The following ARID4B variants were observed in gnomAD, a reference collection of about 807,000 sequenced individuals.
ARID4B encodes AT-rich interactive domain-containing protein 4B.
In ARID4B, 26 loss-of-function variants were observed where a neutral mutation model predicts 147.5. The ratio of observed to expected loss-of-function variants is 0.18; its 90% CI spans 0.13 to 0.24. The LOEUF is 0.24. Among genes scored for constraint, ARID4B ranks in the 10% least tolerant of loss-of-function variants. The pLI is 1.00. For missense variants in ARID4B, 1,179 were observed against 1,511.5 expected (o/e 0.78, Z 3.65); for synonymous variants, 512 against 507.9 (o/e 1.01, Z -0.11).
chr1:235,200,589 A>G (rs574339179), intron 17 of ARID4B, among the ~76,000 whole-genome samples: 5 of 152,220 alleles, frequency 3.3e-5, no homozygotes, highest in Non-Finnish European at 7.3e-5. Context: ...TAAGAAAGCA[A>G]TATTAGTGGG....
chr1:235,214,140 T>C, intron 16 of ARID4B, 114 bp from the exon 17 acceptor site: 1 of 1,290,232 alleles, frequency 7.8e-7, no homozygotes, highest in East Asian at 2.4e-5. Context: ...GAAAAGCAGG[T>C]TCCACGTGTA....
intron 19 of ARID4B, among the ~76,000 whole-genome samples, chr1:235,187,406 T>C (rs1664772373): frequency 6.6e-6 from 1 of 152,318 alleles, no homozygotes; most frequent in South Asian, 2.1e-4. Flanking sequence ...ATAGATACTG[T>C]AGGTTCTCTG....
chr1:235,275,828 A>G (rs143853796), intron 2 of ARID4B, among the ~76,000 whole-genome samples: 1 of 152,324 alleles, frequency 6.6e-6, no homozygotes, highest in African/African-American at 2.4e-5. Context: ...TTTTTAAGCT[A>G]AACTGTCAAA....
chr1:235,198,241 T>A (rs1180078395), intron 17 of ARID4B, among the ~76,000 whole-genome samples: 1 of 152,214 alleles, frequency 6.6e-6, no homozygotes, highest in Non-Finnish European at 1.5e-5. Flanking sequence ...ATACCAGACA[T>A]GTTTTACTAT....
At position 235,302,904 on chromosome 1, in the gene ARID4B, T is replaced by C. The variant is rs1673280387; in HGVS notation, c.6+24010A>G. Reference sequence around the variant, plus strand: ...TAAGTAATAGTGCCAGGATTAGAATTCAGTTTGAGAGTTTATATTCTTCTT... The same window carrying C: ...TAAGTAATAGTGCCAGGATTAGAATCCAGTTTGAGAGTTTATATTCTTCTT... On this transcript the variant is annotated intron_variant, in intron 2 of 23. Transcript: ENST00000264183. Among the ~76,000 whole-genome samples the C allele has an allele frequency of 7.9e-5, 12 of 152,116 alleles. 1 individual carries two copies. In the South Asian group the frequency reaches 2.5e-3, roughly 32 times the overall value.
At chr1:235,187,570 G>A (rs1664783228) in intron 19 of ARID4B, among the ~76,000 whole-genome samples, 1 of 152,160 alleles carries the variant, frequency 6.6e-6, no homozygotes, top group Non-Finnish European at 1.5e-5. Flanking sequence ...TTATTCTCCA[G>A]AGACATTCAA....
rs150324559 is a variant in ARID4B, at chr1:235,236,295, T to A, written c.586-1803A>T. ...GGGAGGAGATAACATACATCAATAA[T>A]TCTAAGAATTTAAAAACAACAGTGA... On this transcript the variant is annotated intron_variant, in intron 8 of 23. Transcript: ENST00000264183. Among the ~76,000 whole-genome samples the A allele has an allele frequency of 2.3e-3, 346 of 152,230 alleles. 2 individuals are homozygous for A. The Middle Eastern group carries it at 0.024, about 11-fold the overall frequency.
chr1:235,308,452 C>T (rs1227968733), intron 2 of ARID4B, among the ~76,000 whole-genome samples: 1 of 147,758 alleles, frequency 6.8e-6, no homozygotes, highest in African/African-American at 2.6e-5. Flanking sequence ...CCTCCCCCTC[C>T]CCCTCCCTCT....
At chr1:235,275,595 C>T (rs1300700595) in intron 2 of ARID4B, among the ~76,000 whole-genome samples, 3 of 152,082 alleles carry the variant, frequency 2.0e-5, no homozygotes, top group African/African-American at 7.2e-5. Flanking sequence ...TGCTCTGTAC[C>T]CTTATAATAG....
chr1:235,218,675 C>A (rs1318944277), intron 16 of ARID4B, among the ~76,000 whole-genome samples: 1 of 152,074 alleles, frequency 6.6e-6, no homozygotes, highest in Non-Finnish European at 1.5e-5. Flanking sequence ...AAGCTGAAAT[C>A]TTTACTGTTT....
chr1:235,197,019 G>C (rs1665554863), intron 17 of ARID4B, among the ~76,000 whole-genome samples: 1 of 151,966 alleles, frequency 6.6e-6, no homozygotes. Context: ...TGTACAGACA[G>C]CTGAGTCAAC....
intron 2 of ARID4B, among the ~76,000 whole-genome samples, chr1:235,315,059 A>G (rs1239069173): frequency 6.6e-6 from 1 of 152,174 alleles, no homozygotes; most frequent in East Asian, 1.9e-4. Flanking sequence ...TAGTTGTCAC[A>G]TTGCCAAAAA....
At chr1:235,252,657 G>T in intron 6 of ARID4B, 73 bp downstream of exon 6, 1 of 1,334,608 alleles carries the variant, frequency 7.5e-7, no homozygotes, top group Non-Finnish European at 1.1e-6. Context: ...GGTTTACTGA[G>T]TTGAGAAAGC....
intron 9 of ARID4B, among the ~76,000 whole-genome samples, chr1:235,231,527 T>C (rs1485995861): frequency 6.6e-6 from 1 of 152,156 alleles, no homozygotes; most frequent in Non-Finnish European, 1.5e-5. Context: ...CACTCTGTCA[T>C]CCAGACTGGA....
Position 235,194,211 on chromosome 1 carries a change from T to C in ARID4B, c.1927A>G (p.Asn643Asp). 1 of 1,593,336 alleles carries C rather than the reference T, an allele frequency of 6.3e-7. No individual in the cohort carries two copies. Among genetic ancestry groups the C allele is most frequent in the East Asian group, 2.2e-5 (1 of 44,720 alleles). The change falls in exon 19 of 24, where the codon AAT becomes GAT. Residue 643 changes from asparagine (N) to aspartate (D), a missense_variant and splice_region_variant. Physicochemically the swap from Asn to Asp is conservative, Grantham distance 23. This residue lies in a region of ARID4B where 321 missense variants were observed against 342.4 expected (regional missense o/e 0.94). Coordinates refer to ENST00000264183, the MANE Select transcript of ARID4B (RefSeq NM_016374.6). ...TTGTCTTTTTCTTTGTCTAATTTAT[T>C]CTAGGTTAAGAAAAAAAGTATGTCG... ...PKIKHRKKIK[N>D]KLDKEKDKDE...
At position 235,224,719 on chromosome 1, in the gene ARID4B, T is replaced by G; in HGVS notation, c.954A>C (p.Lys318Asn). ...ERENFLQQLY[K>N]FMEDRGTPIN... ...AATACTCACCTCTATCTTCCATAAA[T>G]TTGTACAATTGCTGAAGAAAGTTCT... Residue 318 changes from lysine (K) to asparagine (N), a missense_variant, in exon 12 of 24, where the codon AAA (lysine) becomes AAC (asparagine). Physicochemically the swap from Lys to Asn is moderately conservative, Grantham distance 94. Around this residue, in one of 10 missense-constraint regions of ARID4B, gnomAD observed 26 missense variants for 77.9 expected, o/e 0.33. Coordinates refer to ENST00000264183, the MANE Select transcript of ARID4B (RefSeq NM_016374.6). 1 of 1,597,584 alleles carries G rather than the reference T, an allele frequency of 6.3e-7. No individual in the cohort carries two copies. The highest frequency in any genetic ancestry group is 2.2e-5 in the East Asian group (1 of 44,650).
At chr1:235,201,793 A>ATT (rs1665947755) in intron 17 of ARID4B, among the ~76,000 whole-genome samples, 1 of 152,058 alleles carries the variant, frequency 6.6e-6, no homozygotes, top group Non-Finnish European at 1.5e-5. Flanking sequence ...CTGAGGCAGG[A>ATT]GAATCACTTG....
At chr1:235,299,242 C>T (rs1672961345) in intron 2 of ARID4B, among the ~76,000 whole-genome samples, 2 of 152,202 alleles carry the variant, frequency 1.3e-5, no homozygotes, top group Non-Finnish European at 2.9e-5. Flanking sequence ...GAGACAGAGT[C>T]TTGCCCTGTC....
intron 11 of ARID4B, 72 bp downstream of exon 11, chr1:235,229,159 C>G (rs1032785652): frequency 6.5e-7 from 1 of 1,532,972 alleles, no homozygotes; most frequent in African/African-American, 1.4e-5. Context: ...TGACTTAATG[C>G]CAAATCCTAA....
Sources: gnomAD v4.1 joint callset for allele counts (sites outside exome capture counted in the v4.1 genomes callset) on GRCh38, gnomAD v4.1.1 for gene constraint, gnomAD v4.1.1 regional missense constraint, MANE v1.5 for transcripts, NCBI Gene and HGNC (gene_info 2026-07-23, HGNC 2026-07-21) for gene names.